The following CAND1 variants were observed in gnomAD, a reference collection of about 807,000 sequenced individuals.
The protein encoded by CAND1 is cullin-associated NEDD8-dissociated protein 1.
Under a neutral mutation model 108.5 loss-of-function variants are expected in CAND1, and 7 were observed. The ratio of observed to expected loss-of-function variants is 0.06; its 90% CI spans 0.04 to 0.12. The LOEUF (loss-of-function observed/expected upper bound fraction) is 0.12. CAND1 is among the 10% of genes least tolerant of loss of function. The pLI, the probability that CAND1 is intolerant of heterozygous loss-of-function variation, is 1.00. For missense variants in CAND1, 941 were observed against 1,448.7 expected, an observed-to-expected ratio of 0.65 and a Z score of 5.69; for synonymous variants, 534 against 512.0, an observed-to-expected ratio of 1.04 and a Z score of -0.58.
chr12:67,299,261 A>G (rs1300865549), intron 7 of CAND1, among the ~76,000 whole-genome samples, 166 bp downstream of exon 7: 2 of 152,150 alleles, frequency 1.3e-5, no homozygotes, highest in Non-Finnish European at 2.9e-5. Context: ...GCATCCATGT[A>G]TTGAACTGTT....
intron 1 of CAND1, among the ~76,000 whole-genome samples, chr12:67,272,913 TC>T (rs2044534514): frequency 1.3e-5 from 2 of 152,178 alleles, no homozygotes; most frequent in Admixed American, 1.3e-4. Context: ...GCCAGCATGG[TC>T]TCGATCTTCT....
chr12:67,288,404 A>C (rs2136001392), intron 2 of CAND1, among the ~76,000 whole-genome samples: 1 of 152,250 alleles, frequency 6.6e-6, no homozygotes, highest in East Asian at 1.9e-4. Flanking sequence ...CTGGTATTTT[A>C]AACATAAGCC....
At chr12:67,297,960 A>G (rs2044786444) in intron 6 of CAND1, 107 bp downstream of exon 6, 4 of 571,046 alleles carry the variant, frequency 7.0e-6, no homozygotes, top group Non-Finnish European at 3.0e-6. Flanking sequence ...GATTTCAGAT[A>G]TAACAGACAA....
chr12:67,311,997 G>T (rs1164238454), intron 14 of CAND1, among the ~76,000 whole-genome samples, 197 bp downstream of exon 14: 1 of 151,902 alleles, frequency 6.6e-6, no homozygotes, highest in East Asian at 1.9e-4. Flanking sequence ...TTTGTTTATT[G>T]CTATATCAAT....
chr12:67,270,664 T>G (rs1457789279), intron 1 of CAND1: 2 of 152,128 alleles, frequency 1.3e-5, no homozygotes, highest in Admixed American at 6.5e-5. Flanking sequence ...AGTGAAGATT[T>G]GTTATATTTT....
At position 67,311,733 on chromosome 12, in the gene CAND1, G is replaced by A; in HGVS notation, c.3401G>A (p.Cys1134Tyr). ...ATGTTGGTGAGACTGTCTACCCTTTGTCCAAGTGCAGTACTGCAGAGGTTG... is the reference window on the plus strand; with the variant it reads ...ATGTTGGTGAGACTGTCTACCCTTTATCCAAGTGCAGTACTGCAGAGGTTG... ...FLMLVRLSTL[C>Y]PSAVLQRLDR... Residue 1134 changes from cysteine to tyrosine, a missense_variant, in exon 14 of 15, where the codon TGT becomes TAT. Coordinates refer to ENST00000545606, the MANE Select transcript of CAND1 (RefSeq NM_018448.5). 6.2e-7 allele frequency: 1 copy of A among 1,611,680 alleles called. No homozygotes were observed. The highest frequency in any genetic ancestry group is 8.5e-7 in the Non-Finnish European group (1 of 1,177,992).
At chr12:67,284,920 G>A (rs2044656067) in intron 2 of CAND1, among the ~76,000 whole-genome samples, 1 of 151,798 alleles carries the variant, frequency 6.6e-6, no homozygotes, top group Non-Finnish European at 1.5e-5. Flanking sequence ...TTAAGACAGA[G>A]GGGTAGGAAG....
chr12:67,312,010 G>C (rs955878467), intron 14 of CAND1, among the ~76,000 whole-genome samples: 1 of 152,068 alleles, frequency 6.6e-6, no homozygotes, highest in East Asian at 1.9e-4. Context: ...ATATCAATAT[G>C]TTAACATTTT....
rs2044834464 is a variant in CAND1 at position 67,302,429 on chromosome 12, A to G, written c.1107A>G (p.Pro369=). 2 of 1,614,124 alleles carry G rather than the reference A, an allele frequency of 1.2e-6. No individual in the cohort carries two copies. Among genetic ancestry groups the G allele is most frequent in the Non-Finnish European group, 1.7e-6 (2 of 1,179,970 alleles). The part of the protein sequence containing the change: ...AVVSTRHEML[P]EFYKTVSPAL... ...TTAGCACAAGGCATGAAATGCTTCC[A>G]GAATTCTACAAGACCGTCTCTCCTG... is the stretch of plus-strand genomic sequence containing the variant. Residue 369 remains proline, a synonymous_variant, in exon 8 of 15, where the codon CCA becomes CCG. Coordinates refer to ENST00000545606, the MANE Select transcript of CAND1 (RefSeq NM_018448.5).
In CAND1 at chr12:67,311,745, T is replaced by G; in HGVS notation, c.3413T>G (p.Val1138Gly). The change falls in exon 14 of 15, where the codon GTA (valine) becomes GGA (glycine). Residue 1138 changes from valine (V) to glycine (G), a missense_variant. Coordinates refer to ENST00000545606, the MANE Select transcript of CAND1 (RefSeq NM_018448.5). ...VRLSTLCPSA[V>G]LQRLDRLVEP... ...CTGTCTACCCTTTGTCCAAGTGCAG[T>G]ACTGCAGAGGTTGGACCGACTTGTT... 1 of 1,612,558 alleles carries G rather than the reference T, an allele frequency of 6.2e-7. No individual in the cohort carries two copies. The highest frequency in any genetic ancestry group is 8.5e-7 in the Non-Finnish European group (1 of 1,178,658).
At chr12:67,282,122 T>A in intron 2 of CAND1, 69 bp downstream of exon 2, 1 of 1,487,344 alleles carries the variant, frequency 6.7e-7, no homozygotes, top group Non-Finnish European at 9.3e-7. Context: ...AACTCTATGA[T>A]AAGTAGTAAA....
Position 67,319,539 on chromosome 12 carries a change from T to C in CAND1, c.*6709T>C, listed in dbSNP as rs181176522. On this transcript the variant is annotated 3_prime_UTR_variant, in exon 15 of 15. Transcript: ENST00000545606. ...CTCCATTTTCAGGCACGTAATATTG[T>C]CAAATTCCTTTTAAAAGCACCTGTC... The C allele has an allele frequency of 6.6e-6, 1 of 152,254 alleles. No individual in the cohort carries two copies. Among genetic ancestry groups the C allele is most frequent in the Admixed American group, 6.5e-5 (1 of 15,300 alleles). The allele number at this position is 152,254 out of a possible 1,614,324, so 9.4% of individuals were successfully genotyped here.
At position 67,305,206 on chromosome 12, in the gene CAND1, T is replaced by A. The variant is rs2044867140; in HGVS notation, c.1538T>A (p.Phe513Tyr). 2 of 1,614,192 alleles carry A rather than the reference T, an allele frequency of 1.2e-6. No homozygotes were observed. Among genetic ancestry groups the A allele is most frequent in the African/African-American group, 2.7e-5 (2 of 75,034 alleles). Reference sequence around the variant, plus strand: ...CTCTGTAACCATTCTCCTCAAGTCTTCCATCCTCACGTTCAGGCTTTGGTT... The same window carrying A: ...CTCTGTAACCATTCTCCTCAAGTCTACCATCCTCACGTTCAGGCTTTGGTT... ...VILCNHSPQV[F>Y]HPHVQALVPP... The change falls in exon 10 of 15, where the codon TTC becomes TAC. Residue 513 changes from phenylalanine to tyrosine, a missense_variant. Phe to Tyr is a conservative substitution (Grantham distance 22). This residue lies in a region of CAND1 where 697 missense variants were observed against 942.0 expected (regional missense o/e 0.74). Coordinates refer to ENST00000545606, the MANE Select transcript of CAND1 (RefSeq NM_018448.5). The surrounding 1 kb of genome is among the most constrained non-coding windows in gnomAD (Gnocchi z 4.4).
At position 67,319,110 on chromosome 12, in the gene CAND1, C is replaced by T. The variant is rs965484833; in HGVS notation, c.*6280C>T. 3 of 152,232 alleles carry T rather than the reference C, an allele frequency of 2.0e-5. No homozygotes were observed. The highest frequency in any genetic ancestry group is 4.8e-5 in the African/African-American group (2 of 41,458). The allele number at this position is 152,232 out of a possible 1,614,324, so 9.4% of individuals were successfully genotyped here. A position where few individuals can be genotyped will look rare whatever the true frequency, so the allele number is the denominator to read the frequency against. On this transcript the variant is annotated 3_prime_UTR_variant, in exon 15 of 15. Transcript: ENST00000545606. ...CAAGGCCACACCTTGGAAACCACCACATTAAAATACCCAGAAGGCATTAAT... is the reference window on the plus strand; with the variant it reads ...CAAGGCCACACCTTGGAAACCACCATATTAAAATACCCAGAAGGCATTAAT...
intron 7 of CAND1, among the ~76,000 whole-genome samples, chr12:67,300,905 C>A (rs1372591591): frequency 6.6e-6 from 1 of 152,066 alleles, no homozygotes. Flanking sequence ...TGCTGTATAA[C>A]AAACTAGGTA....
In CAND1 at chr12:67,316,424, A is replaced by G. The variant is rs1043371518; in HGVS notation, c.*3594A>G. On this transcript the variant is annotated 3_prime_UTR_variant, in exon 15 of 15. Transcript: ENST00000545606. ...CAGTAAATTGCTTGTTTTCCTATGAATATCAGAAAAGATTTTGTAAACACC... is the reference window on the plus strand; with the variant it reads ...CAGTAAATTGCTTGTTTTCCTATGAGTATCAGAAAAGATTTTGTAAACACC... The G allele has an allele frequency of 6.6e-6, 1 of 152,218 alleles. No individual in the cohort carries two copies. Among genetic ancestry groups the G allele is most frequent in the Non-Finnish European group, 1.5e-5 (1 of 68,030 alleles). The allele number at this position is 152,218 out of a possible 1,614,324, so 9.4% of individuals were successfully genotyped here. A position where few individuals can be genotyped will look rare whatever the true frequency, so the allele number is the denominator to read the frequency against.
At position 67,305,500 on chromosome 12, in the gene CAND1, C is replaced by T. The variant is rs1434233171; in HGVS notation, c.1832C>T (p.Thr611Ile). 3 of 1,613,764 alleles carry T rather than the reference C, an allele frequency of 1.9e-6. No individual in the cohort carries two copies. Among genetic ancestry groups the T allele is most frequent in the Non-Finnish European group, 2.5e-6 (3 of 1,179,996 alleles). Residue 611 changes from threonine to isoleucine, a missense_variant, in exon 10 of 15, where the codon ACA becomes ATA. Physicochemically the swap from Thr to Ile is moderately conservative, Grantham distance 89. Transcript: ENST00000545606. The surrounding 1 kb of genome is among the most constrained non-coding windows in gnomAD (Gnocchi z 4.4). ...AATTTGGGTTCTGACTTGCCTAATA[C>T]ACTTCAGATTTTCTTGGAGAGACTA... ...GDNLGSDLPN[T>I]LQIFLERLKN...
intron 1 of CAND1, among the ~76,000 whole-genome samples, chr12:67,275,421 C>A (rs967705455): frequency 6.8e-6 from 1 of 147,472 alleles, no homozygotes; most frequent in Admixed American, 6.7e-5. Context: ...CAGCTACTCG[C>A]GAGGCTGAGG....
intron 3 of CAND1, among the ~76,000 whole-genome samples, chr12:67,293,672 T>C (rs113075182): frequency 7.2e-5 from 11 of 152,066 alleles, no homozygotes; most frequent in African/African-American, 2.7e-4. Flanking sequence ...AGAATCACTT[T>C]AACTCAGGAG....
Sources: allele counts gnomAD v4.1 joint callset (sites outside exome capture counted in the v4.1 genomes callset), GRCh38; gene constraint gnomAD v4.1.1; regional missense constraint gnomAD v4.1.1; non-coding constraint Gnocchi (gnomAD v3.1); transcripts MANE v1.5; gene names NCBI Gene and HGNC (gene_info 2026-07-23, HGNC 2026-07-21).